NWD1: variants seen among roughly 807,000 people sequenced by gnomAD.
The protein encoded by NWD1 is NACHT and WD repeat domain containing 1, also known as NACHT domain- and WD repeat-containing protein 1.
Under a neutral mutation model 135.1 loss-of-function variants are expected in NWD1, and 129 were observed. That is an observed-to-expected ratio of 0.96 (90% CI 0.83 to 1.11). The LOEUF is 1.11. Among genes scored for constraint, NWD1 ranks in the 50% least tolerant of loss-of-function variants. The pLI, the probability that NWD1 is intolerant of heterozygous loss-of-function variation, is 0.00. For missense variants in NWD1, 1,740 were observed against 1,851.3 expected, an observed-to-expected ratio of 0.94 and a Z score of 1.10; for synonymous variants, 773 against 786.0, an observed-to-expected ratio of 0.98 and a Z score of 0.28.
At chr19:16,729,806 T>G (rs930562200) in intron 2 of NWD1, among the ~76,000 whole-genome samples, 8 of 150,544 alleles carry the variant, frequency 5.3e-5, no homozygotes, top group Admixed American at 4.7e-4. Context: ...TAGGCGGAGG[T>G]TGCAGTGAGC....
At chr19:16,730,868 T>C (rs896483165) in intron 2 of NWD1, among the ~76,000 whole-genome samples, 4 of 150,568 alleles carry the variant, frequency 2.7e-5, no homozygotes, top group Admixed American at 2.0e-4. Context: ...ACAAAATAAA[T>C]AAAATAACTG....
At chr19:16,792,148 G>A (rs1599541262) in intron 14 of NWD1, among the ~76,000 whole-genome samples, 1 of 152,192 alleles carries the variant, frequency 6.6e-6, no homozygotes, top group East Asian at 1.9e-4. Flanking sequence ...AAGACATGGT[G>A]TGGAATGAGG....
At chr19:16,780,183 T>A (rs1173523830) in intron 12 of NWD1, among the ~76,000 whole-genome samples, 1 of 147,850 alleles carries the variant, frequency 6.8e-6, no homozygotes, top group Non-Finnish European at 1.5e-5. Flanking sequence ...TGAGACGGAG[T>A]CTTGCTCTGT....
chr19:16,810,549 C>T lies in NWD1; in HGVS notation c.4287+2413C>T, dbSNP rs545978903. On this transcript the variant is annotated intron_variant, in intron 18 of 18. Transcript: ENST00000524140. ...TTGGGAGGCCGAGGCAGGGGGATTG[C>T]TTGAGCTCAGGATTTCAAGACCAGC... Among the ~76,000 whole-genome samples the T allele has an allele frequency of 4.6e-5, 7 of 151,990 alleles. 1 individual carries two copies. In the South Asian group the frequency reaches 1.5e-3, roughly 32 times the overall value.
chr19:16,810,678 G>A (rs1486010640), intron 18 of NWD1, among the ~76,000 whole-genome samples: 4 of 151,904 alleles, frequency 2.6e-5, no homozygotes, highest in South Asian at 4.2e-4. Flanking sequence ...TGGGAGGATC[G>A]ATTGAGCCCT....
chr19:16,811,440 C>T (rs970206104), intron 18 of NWD1, among the ~76,000 whole-genome samples: 9 of 151,428 alleles, frequency 5.9e-5, no homozygotes, highest in Non-Finnish European at 1.0e-4. Context: ...AAAAATTAGC[C>T]GGGCATGGTG....
At chr19:16,722,613 A>G (rs146011178) in intron 1 of NWD1, among the ~76,000 whole-genome samples, 38 of 152,010 alleles carry the variant, frequency 2.5e-4, no homozygotes, top group Non-Finnish European at 3.8e-4. Context: ...AAAAAGAATT[A>G]ACTCAGCAGG....
chr19:16,723,038 G>A (rs1366583244), intron 1 of NWD1, among the ~76,000 whole-genome samples: 2 of 152,096 alleles, frequency 1.3e-5, no homozygotes, highest in East Asian at 3.8e-4. Flanking sequence ...TGCCTTGGAT[G>A]CCTCTTCCTG....
chr19:16,736,712 G>C lies in NWD1; in HGVS notation c.160G>C (p.Asp54His), dbSNP rs1436420817. Residue 54 changes from aspartate to histidine, a missense_variant, in exon 4 of 19, where the codon GAC (aspartate) becomes CAC (histidine). By Grantham distance (81) the Asp-to-His change is moderately conservative. Transcript: ENST00000524140. Reference protein sequence around the residue: ...LTTELCLEEVDRCWKTSIGPA... With the variant: ...LTTELCLEEVHRCWKTSIGPA... ...CACAGAACTCTGCTTGGAGGAGGTT[G>C]ACCGGTGTTGGAAAACATCCATAGG... 11 of 1,536,336 alleles carry C rather than the reference G, an allele frequency of 7.2e-6. No individual in the cohort carries two copies. Among genetic ancestry groups the C allele is most frequent in the Non-Finnish European group, 9.6e-6 (11 of 1,146,858 alleles).
intron 18 of NWD1, among the ~76,000 whole-genome samples, chr19:16,813,519 C>T (rs1228101620): frequency 1.3e-5 from 2 of 152,010 alleles, no homozygotes; most frequent in African/African-American, 4.8e-5. Context: ...CTCTGTCACC[C>T]AGGCTGGAGT....
chr19:16,752,636 C>G (rs1014169608), intron 6 of NWD1, among the ~76,000 whole-genome samples: 9 of 152,070 alleles, frequency 5.9e-5, no homozygotes, highest in African/African-American at 2.2e-4. Flanking sequence ...TAGGGAAATT[C>G]AAGTCTGTCT....
intron 16 of NWD1, among the ~76,000 whole-genome samples, chr19:16,798,878 G>T (rs1970505663): frequency 6.6e-6 from 1 of 151,908 alleles, no homozygotes; most frequent in Non-Finnish European, 1.5e-5. Context: ...CAGCTGCCTT[G>T]GCCTCCCAAA....
chr19:16,775,933 C>T (rs1312749341), intron 11 of NWD1, among the ~76,000 whole-genome samples: 2 of 152,152 alleles, frequency 1.3e-5, no homozygotes, highest in Non-Finnish European at 1.5e-5. Flanking sequence ...TCCCAAAGTG[C>T]TGGGATTACA....
intron 8 of NWD1, 32 bp from the exon 9 acceptor site, chr19:16,763,796 T>A: frequency 1.5e-6 from 2 of 1,363,322 alleles, no homozygotes; most frequent in Non-Finnish European, 1.1e-6. Context: ...TGGGTTTGTG[T>A]CCAAGCTGCA....
At chr19:16,762,168 C>T in intron 8 of NWD1, 30 bp downstream of exon 8, 3 of 1,600,940 alleles carry the variant, frequency 1.9e-6, no homozygotes, top group Non-Finnish European at 1.7e-6. Context: ...CATTCCCCAC[C>T]TGCAACCTCC....
At chr19:16,773,353 A>G (rs1969484289) in intron 11 of NWD1, 30 bp downstream of exon 11, 1 of 1,590,222 alleles carries the variant, frequency 6.3e-7, no homozygotes, top group African/African-American at 1.3e-5. Flanking sequence ...CAAAAATCCC[A>G]GCAGGCACCT....
At chr19:16,786,622 C>T (rs577840298) in intron 12 of NWD1, among the ~76,000 whole-genome samples, 3 of 152,130 alleles carry the variant, frequency 2.0e-5, no homozygotes, top group African/African-American at 7.2e-5. Flanking sequence ...TCTTGGCTCA[C>T]TGCAACCTCT....
Position 16,765,136 on chromosome 19 carries a change from G to A in NWD1, c.2354G>A (p.Gly785Asp), listed in dbSNP as rs749993476. The change falls in exon 10 of 19, where the codon GGC (glycine) becomes GAC (aspartate). Residue 785 changes from glycine (G) to aspartate (D), a missense_variant. By Grantham distance (94) the Gly-to-Asp change is moderately conservative (BLOSUM62 -1). Transcript: ENST00000524140. ...CCTCACCTGGACTCCCCTGAGGTTG[G>A]CCTGGTCCGTGAAGCCCTCCAGCTC... ...CAPHLDSPEV[G>D]LVREALQLCR... is the part of the protein sequence containing the mutation. The A allele has an allele frequency of 6.2e-7, 1 of 1,614,144 alleles. No homozygotes were observed. The highest frequency in any genetic ancestry group is 1.6e-4 in the Middle Eastern group (1 of 6,062).
At chr19:16,773,939 T>TATCCATCCATCC (rs200226720) in intron 11 of NWD1, among the ~76,000 whole-genome samples, 3 of 124,362 alleles carry the variant, frequency 2.4e-5, no homozygotes, top group Admixed American at 1.6e-4. Flanking sequence ...TCCATCCATC[T>TATCCATCCATCC]ATCCATCCAT....
Sources: gnomAD v4.1 joint callset for allele counts (sites outside exome capture counted in the v4.1 genomes callset) on GRCh38, gnomAD v4.1.1 for gene constraint, MANE v1.5 for transcripts, NCBI Gene and HGNC (gene_info 2026-07-23, HGNC 2026-07-21) for gene names.